Variants in EXOC6B observed in about 807,000 individuals in gnomAD.
EXOC6B encodes the protein exocyst complex component 6B, also known as SEC15 homolog B.
EXOC6B carries 54 observed loss-of-function variants against 113.5 expected under a neutral mutation model. The ratio of observed to expected loss-of-function variants is 0.48; its 90% CI spans 0.38 to 0.60. The LOEUF is 0.60. EXOC6B is among the 20% of genes least tolerant of loss of function. EXOC6B has a pLI of 0.00. For missense variants in EXOC6B, 797 were observed against 977.5 expected (o/e 0.82, Z 2.46); for synonymous variants, 357 against 339.0 (o/e 1.05, Z -0.58).
intron 19 of EXOC6B, among the ~76,000 whole-genome samples, chr2:72,352,492 T>C (rs1404501269): frequency 6.6e-6 from 1 of 152,030 alleles, no homozygotes; most frequent in Non-Finnish European, 1.5e-5. Context: ...TGGGTTTTTT[T>C]CTCTCTCTCC....
intron 11 of EXOC6B, among the ~76,000 whole-genome samples, chr2:72,508,955 G>A (rs1700756274): frequency 6.6e-6 from 1 of 152,096 alleles, no homozygotes; most frequent in African/African-American, 2.4e-5. Flanking sequence ...TTCAAAATAT[G>A]TAGGGAAAGG....
chr2:72,759,750 C>T (rs1320851959), intron 1 of EXOC6B, among the ~76,000 whole-genome samples: 4 of 152,108 alleles, frequency 2.6e-5, no homozygotes, highest in Non-Finnish European at 5.9e-5. Context: ...CTGTTAATCA[C>T]AAAACATCAA....
At chr2:72,284,268 C>T (rs1685296989) in intron 20 of EXOC6B, among the ~76,000 whole-genome samples, 1 of 151,986 alleles carries the variant, frequency 6.6e-6, no homozygotes, top group Non-Finnish European at 1.5e-5. Flanking sequence ...ATAAAAGAAT[C>T]GTATACCATA....
At chr2:72,401,586 T>TATATATATATAC (rs1693256317) in intron 18 of EXOC6B, among the ~76,000 whole-genome samples, 2 of 34,564 alleles carry the variant, frequency 5.8e-5, no homozygotes, top group East Asian at 5.7e-4. Flanking sequence ...TATATACATA[T>TATATATATATAC]ATATATATAT....
At chr2:72,722,919 C>T (rs1181202434) in intron 5 of EXOC6B, among the ~76,000 whole-genome samples, 1 of 152,192 alleles carries the variant, frequency 6.6e-6, no homozygotes, top group Non-Finnish European at 1.5e-5. Context: ...AATAGCTCCA[C>T]ATTTTTCAAG....
intron 1 of EXOC6B, among the ~76,000 whole-genome samples, chr2:72,822,585 A>G (rs750697297): frequency 3.8e-4 from 58 of 152,208 alleles, no homozygotes; most frequent in Non-Finnish European, 7.6e-4. Context: ...CAAAGAAAGA[A>G]AGCAAGTAAT....
At chr2:72,422,216 C>T (rs1694924423) in intron 18 of EXOC6B, among the ~76,000 whole-genome samples, 1 of 152,196 alleles carries the variant, frequency 6.6e-6, no homozygotes, top group African/African-American at 2.4e-5. Flanking sequence ...ATGCAAGCAC[C>T]CGGCGCGGGA....
At chr2:72,600,056 A>G (rs540369867) in intron 6 of EXOC6B, among the ~76,000 whole-genome samples, 10 of 152,322 alleles carry the variant, frequency 6.6e-5, no homozygotes, top group African/African-American at 2.4e-4. Context: ...TAAAGTTTGT[A>G]TGGAAAGGCA....
In EXOC6B at chr2:72,515,126, C is replaced by A. The variant is rs774708473; in HGVS notation, c.916G>T (p.Gly306Cys). ...YRCLHIYSVLGARETFENYYR... is the reference protein window; with the variant it reads ...YRCLHIYSVLCARETFENYYR... ...TAATTCTCAAATGTTTCCCGGGCACCCTGTAAATAAAGAAAAGAAAATGGG... is the reference window on the plus strand; with the variant it reads ...TAATTCTCAAATGTTTCCCGGGCACACTGTAAATAAAGAAAAGAAAATGGG... Residue 306 changes from glycine (G) to cysteine (C), a missense_variant and splice_region_variant, in exon 9 of 22, where the codon GGT (glycine) becomes TGT (cysteine). By Grantham distance (159) the Gly-to-Cys change is radical. Coordinates refer to ENST00000272427, the MANE Select transcript of EXOC6B (RefSeq NM_015189.3). 4 of 1,595,428 alleles carry A rather than the reference C, an allele frequency of 2.5e-6. No individual in the cohort carries two copies. The highest frequency in any genetic ancestry group is 3.4e-6 in the Non-Finnish European group (4 of 1,170,270).
intron 8 of EXOC6B, among the ~76,000 whole-genome samples, chr2:72,557,643 A>C (rs1670242239): frequency 6.6e-6 from 1 of 152,154 alleles, no homozygotes; most frequent in African/African-American, 2.4e-5. Context: ...AGTAAGGTCT[A>C]CTTGAGGGTG....
intron 19 of EXOC6B, among the ~76,000 whole-genome samples, chr2:72,370,425 C>T (rs537505803): frequency 9.3e-4 from 142 of 152,190 alleles, no homozygotes; most frequent in East Asian, 7.3e-3. Context: ...GACTGTAAAC[C>T]GGTTCAACCA....
intron 17 of EXOC6B, among the ~76,000 whole-genome samples, chr2:72,473,309 C>G (rs755087081): frequency 1.3e-5 from 2 of 151,926 alleles, no homozygotes; most frequent in Non-Finnish European, 2.9e-5. Flanking sequence ...TATCAGAGTT[C>G]ACCTTTTTAT....
At chr2:72,418,806 A>G (rs561663833) in intron 18 of EXOC6B, among the ~76,000 whole-genome samples, 2 of 152,292 alleles carry the variant, frequency 1.3e-5, no homozygotes, top group South Asian at 2.1e-4. Flanking sequence ...ACTTATATTT[A>G]AAATAATTAC....
At chr2:72,241,931 G>A (rs980834743) in intron 20 of EXOC6B, among the ~76,000 whole-genome samples, 1 of 152,150 alleles carries the variant, frequency 6.6e-6, no homozygotes, top group Non-Finnish European at 1.5e-5. Flanking sequence ...GCCTGGCCAG[G>A]TGTGGTGGCT....
intron 18 of EXOC6B, among the ~76,000 whole-genome samples, chr2:72,387,477 T>C (rs1426172530): frequency 6.6e-6 from 1 of 152,086 alleles, no homozygotes; most frequent in African/African-American, 2.4e-5. Flanking sequence ...TGTGGGAGGG[T>C]TTTTAAAATA....
intron 1 of EXOC6B, among the ~76,000 whole-genome samples, chr2:72,795,548 C>A (rs143655333): frequency 6.6e-6 from 1 of 151,978 alleles, no homozygotes; most frequent in Non-Finnish European, 1.5e-5. Context: ...TGCACTCCAG[C>A]CTGGGCAGCA....
intron 6 of EXOC6B, among the ~76,000 whole-genome samples, chr2:72,687,627 C>T (rs1383577246): frequency 6.6e-6 from 1 of 152,084 alleles, no homozygotes; most frequent in Non-Finnish European, 1.5e-5. Context: ...ATTGGTAACA[C>T]TGGGTATCTC....
At chr2:72,403,814 C>T (rs1693518668) in intron 18 of EXOC6B, among the ~76,000 whole-genome samples, 1 of 152,190 alleles carries the variant, frequency 6.6e-6, no homozygotes, top group Non-Finnish European at 1.5e-5. Flanking sequence ...TCTGCATTTC[C>T]AACTGAGGTA....
chr2:72,768,135 AAAAGAAAG>A (rs1198273338), intron 1 of EXOC6B, among the ~76,000 whole-genome samples: 11 of 149,370 alleles, frequency 7.4e-5, no homozygotes, highest in South Asian at 4.2e-4. Flanking sequence ...AAAAAAAAAA[AAAAGAAAG>A]AAAGAAAGAA....
Sources: gnomAD v4.1 joint callset for allele counts (sites outside exome capture counted in the v4.1 genomes callset) on GRCh38, gnomAD v4.1.1 for gene constraint, MANE v1.5 for transcripts, NCBI Gene and HGNC (gene_info 2026-07-23, HGNC 2026-07-21) for gene names.